BACH2: variants seen among roughly 807,000 people sequenced by gnomAD.
The protein encoded by BACH2 is transcription regulator protein BACH2.
A neutral mutation model predicts 61.8 loss-of-function variants in BACH2; 5 were observed. The ratio of observed to expected loss-of-function variants is 0.08; its 90% CI spans 0.04 to 0.17. The LOEUF (loss-of-function observed/expected upper bound fraction) is 0.17, where lower values mean the gene tolerates loss of function less well. Among genes scored for constraint, BACH2 ranks in the 10% least tolerant of loss-of-function variants. The pLI, the probability that BACH2 is intolerant of heterozygous loss-of-function variation, is 1.00. For missense variants in BACH2, 824 were observed against 1,091.1 expected (o/e 0.76, Z 3.45); for synonymous variants, 446 against 440.1 (o/e 1.01, Z -0.17).
rs778642405 is a variant in BACH2, at chr6:89,950,830, G to A, written c.1276C>T (p.Leu426=). ...LEALCKQEGE[L]DRRSVIFSSS... The stretch of plus-strand genomic sequence containing the variant: ...GAGAAGATCACGCTCCTCCGGTCCA[G>A]CTCTCCCTCCTGTTTACAGAGAGCC... Residue 426 remains leucine (L), a synonymous_variant, in exon 7 of 9, where the codon CTG becomes TTG. Coordinates refer to ENST00000257749, the MANE Select transcript of BACH2 (RefSeq NM_021813.4). The surrounding 1 kb of genome is among the most constrained non-coding windows in gnomAD (Gnocchi z 5.3). 3 of 1,614,014 alleles carry A rather than the reference G, an allele frequency of 1.9e-6. No individual in the cohort carries two copies. In the South Asian group the frequency reaches 3.3e-5, roughly 18 times the overall value.
intron 6 of BACH2, among the ~76,000 whole-genome samples, chr6:90,003,725 C>A (rs534550380): frequency 6.6e-6 from 1 of 152,180 alleles, no homozygotes; most frequent in Non-Finnish European, 1.5e-5. Context: ...CCCCTCAAGG[C>A]TGATGATCCT....
At chr6:90,011,075 CTT>C (rs1185986720) in intron 5 of BACH2, among the ~76,000 whole-genome samples, 1 of 152,064 alleles carries the variant, frequency 6.6e-6, no homozygotes, top group African/African-American at 2.4e-5. Flanking sequence ...AACAGAAAGT[CTT>C]TATTTGATGA....
intron 2 of BACH2, among the ~76,000 whole-genome samples, chr6:90,257,747 C>A (rs1771027913): frequency 6.6e-6 from 1 of 152,054 alleles, no homozygotes. Flanking sequence ...CTTTACTGTA[C>A]AGAAACTTTC....
At chr6:90,002,841 C>T (rs569644231) in intron 6 of BACH2, among the ~76,000 whole-genome samples, 13 of 152,262 alleles carry the variant, frequency 8.5e-5, no homozygotes, top group African/African-American at 2.9e-4. Flanking sequence ...TCTCAGTCTT[C>T]GCTTCACCCA....
At chr6:90,245,550 C>G (rs191672407) in intron 3 of BACH2, among the ~76,000 whole-genome samples, 4 of 152,152 alleles carry the variant, frequency 2.6e-5, no homozygotes, top group Non-Finnish European at 5.9e-5. Context: ...GTTGACAGAA[C>G]GAGATCCCAT....
At chr6:90,175,836 C>T (rs2127839167) in intron 4 of BACH2, among the ~76,000 whole-genome samples, 1 of 152,238 alleles carries the variant, frequency 6.6e-6, no homozygotes, top group Non-Finnish European at 1.5e-5. Flanking sequence ...AATCTAGAGA[C>T]ACCCCTCCTC....
intron 5 of BACH2, among the ~76,000 whole-genome samples, chr6:90,019,224 T>C (rs1404553404): frequency 1.3e-5 from 2 of 152,208 alleles, no homozygotes; most frequent in African/African-American, 4.8e-5. Context: ...AGGAGATTTA[T>C]AAGGGACATC....
rs57315801 is a variant in BACH2 at position 90,049,803 on chromosome 6, C to T, written c.-13+39158G>A. ...CAAAATGAGATGTGCTCATAAAGTACTTTTGCTGCAAACCAAAGTAAGATT... is the reference window on the plus strand; with the variant it reads ...CAAAATGAGATGTGCTCATAAAGTATTTTTGCTGCAAACCAAAGTAAGATT... On this transcript the variant is annotated intron_variant, in intron 5 of 8. Transcript: ENST00000257749. Among the ~76,000 whole-genome samples the T allele has an allele frequency of 5.9e-3, 906 of 152,304 alleles. 52 individuals are homozygous for T. The East Asian group carries it at 0.14, about 23-fold the overall frequency.
chr6:90,017,114 C>T (rs1778109611), intron 5 of BACH2, among the ~76,000 whole-genome samples: 1 of 152,024 alleles, frequency 6.6e-6, no homozygotes, highest in African/African-American at 2.4e-5. Flanking sequence ...TTTGTCTTCT[C>T]CCCTCTTCTC....
intron 1 of BACH2, among the ~76,000 whole-genome samples, chr6:90,286,038 TG>T (rs1772007838): frequency 6.6e-6 from 1 of 152,318 alleles, no homozygotes; most frequent in East Asian, 1.9e-4. Flanking sequence ...TAATTAATCA[TG>T]GTAATAAACA....
intron 2 of BACH2, among the ~76,000 whole-genome samples, chr6:90,269,176 G>T (rs920230313): frequency 2.0e-5 from 3 of 152,074 alleles, no homozygotes; most frequent in African/African-American, 7.2e-5. Context: ...AGGGTTAGGT[G>T]GGGCTAAGGT....
intron 3 of BACH2, among the ~76,000 whole-genome samples, chr6:90,213,764 T>TAC (rs1319611793): frequency 6.6e-6 from 1 of 152,214 alleles, no homozygotes; most frequent in African/African-American, 2.4e-5. Context: ...CTGCCTTACA[T>TAC]ACATACAGTA....
intron 6 of BACH2, among the ~76,000 whole-genome samples, chr6:89,974,388 GTTAT>G (rs1775535510): frequency 6.6e-6 from 1 of 152,074 alleles, no homozygotes; most frequent in Non-Finnish European, 1.5e-5. Flanking sequence ...CTCAGTAAAG[GTTAT>G]TTAAAAAAAT....
intron 4 of BACH2, among the ~76,000 whole-genome samples, chr6:90,166,483 A>G (rs1391970667): frequency 2.6e-5 from 4 of 152,318 alleles, no homozygotes; most frequent in East Asian, 1.9e-4. Flanking sequence ...CAACCATTGC[A>G]GAAGTCAGTG....
At position 90,008,645 on chromosome 6, in the gene BACH2, A is replaced by G. The variant is rs1300893800; in HGVS notation, c.200T>C (p.Val67Ala). The change falls in exon 6 of 9, where the codon GTT becomes GCT. Residue 67 changes from valine (V) to alanine (A), a missense_variant. Transcript: ENST00000257749. This position sits in a 1 kb window ranked among gnomAD's most constrained non-coding sequence, Gnocchi z 4.1. ...CACCAAATCATTTTTTGTCTGTCCA[A>G]CCAGCGCCTGCCAAAAATATTCACT... The part of the protein sequence containing the change: ...ACSEYFWQAL[V>A]GQTKNDLVVS... 6.2e-7 allele frequency: 1 copy of G among 1,614,088 alleles called. No individual in the cohort carries two copies. The highest frequency in any genetic ancestry group is 1.3e-5 in the African/African-American group (1 of 74,922).
intron 8 of BACH2, among the ~76,000 whole-genome samples, chr6:89,935,857 C>G: frequency 6.6e-6 from 1 of 152,208 alleles, no homozygotes; most frequent in African/African-American, 2.4e-5. Flanking sequence ...GCCTAGGCCC[C>G]TGTAGACTCA....
chr6:90,028,961 A>G (rs1778793113), intron 5 of BACH2, among the ~76,000 whole-genome samples: 1 of 152,206 alleles, frequency 6.6e-6, no homozygotes, highest in Non-Finnish European at 1.5e-5. Flanking sequence ...TAATTCACCA[A>G]TTTAACATAT....
intron 4 of BACH2, among the ~76,000 whole-genome samples, chr6:90,189,892 A>G (rs1454196575): frequency 6.6e-6 from 1 of 152,102 alleles, no homozygotes. Context: ...AAGATATATC[A>G]TCTCCCCTCT....
chr6:90,295,516 G>C (rs1772318063), intron 1 of BACH2, among the ~76,000 whole-genome samples: 1 of 152,078 alleles, frequency 6.6e-6, no homozygotes, highest in African/African-American at 2.4e-5. Flanking sequence ...CAGCGGCGCC[G>C]GGCTCCCGAA....
Sources: allele counts gnomAD v4.1 joint callset (sites outside exome capture counted in the v4.1 genomes callset), GRCh38; gene constraint gnomAD v4.1.1; non-coding constraint Gnocchi (gnomAD v3.1); transcripts MANE v1.5; gene names NCBI Gene and HGNC (gene_info 2026-07-23, HGNC 2026-07-21).